Variants in RAD9A observed in about 807,000 individuals in gnomAD.
RAD9A encodes RAD9 checkpoint clamp component A.
In RAD9A, 25 loss-of-function variants were observed where a neutral mutation model predicts 41.2. The ratio of observed to expected loss-of-function variants is 0.61; its 90% CI spans 0.44 to 0.85. The LOEUF is 0.85. RAD9A is among the 40% of genes least tolerant of loss of function. RAD9A has a pLI of 0.00. For missense variants in RAD9A, 514 were observed against 518.3 expected (o/e 0.99, Z 0.08); for synonymous variants, 252 against 210.6 (o/e 1.20, Z -1.70).
At position 67,395,908 on chromosome 11, in the gene RAD9A, A is replaced by G; in HGVS notation, c.560-4A>G. The G allele has an allele frequency of 1.2e-6, 2 of 1,614,088 alleles. No individual in the cohort carries two copies. Among genetic ancestry groups the G allele is most frequent in the Non-Finnish European group, 1.7e-6 (2 of 1,180,002 alleles). On this transcript the variant is annotated splice_region_variant and splice_polypyrimidine_tract_variant and intron_variant, in intron 6 of 10. Coordinates refer to ENST00000307980, the MANE Select transcript of RAD9A (RefSeq NM_004584.3). Reference sequence around the variant, plus strand: ...CCCAGGTTACTCCTGTTCTTCCCCAACAGACAGCACTGCCAAAGCCATGGT... The same window carrying G: ...CCCAGGTTACTCCTGTTCTTCCCCAGCAGACAGCACTGCCAAAGCCATGGT...
At chr11:67,392,948 C>A in intron 3 of RAD9A, 166 bp downstream of exon 3, 1 of 1,039,828 alleles carries the variant, frequency 9.6e-7, no homozygotes, top group Non-Finnish European at 1.4e-6. Flanking sequence ...ACAGCGGGGA[C>A]CTGAGAGGGT....
At chr11:67,395,338 A>T in intron 5 of RAD9A, 1 of 213,874 alleles carries the variant, frequency 4.7e-6, no homozygotes. Flanking sequence ...TTTCAAATAT[A>T]TGTAAAAGCA....
intron 9 of RAD9A, 102 bp from the exon 10 acceptor site, chr11:67,397,077 C>G: frequency 1.3e-6 from 1 of 782,430 alleles, no homozygotes; most frequent in South Asian, 1.6e-5. Flanking sequence ...ACCAAGAGAT[C>G]TCCAGTGGTC....
chr11:67,392,409 C>T, intron 2 of RAD9A, among the ~76,000 whole-genome samples, 178 bp downstream of exon 2: 1 of 152,242 alleles, frequency 6.6e-6, no homozygotes, highest in Non-Finnish European at 1.5e-5. Context: ...GAAAGCTGTC[C>T]TGCGAGCTCC....
In RAD9A at chr11:67,396,294, C is replaced by G; in HGVS notation, c.766C>G (p.Leu256Val). 6.2e-7 allele frequency: 1 copy of G among 1,614,130 alleles called. No homozygotes were observed. Among genetic ancestry groups the G allele is most frequent in the Non-Finnish European group, 8.5e-7 (1 of 1,180,010 alleles). ...CATCTTCACCATCAAGGACTCTTTG[C>G]TGGACGGCCACTTTGTCTTGGCCAC... is the stretch of plus-strand genomic sequence containing the variant. The part of the protein sequence containing the change: ...PAIFTIKDSL[L>V]DGHFVLATLS... Residue 256 changes from leucine to valine, a missense_variant, in exon 9 of 11, where the codon CTG becomes GTG. This residue lies in a region of RAD9A where 216 missense variants were observed against 184.2 expected (regional missense o/e 1.17). Coordinates refer to ENST00000307980, the MANE Select transcript of RAD9A (RefSeq NM_004584.3).
intron 3 of RAD9A, 197 bp from the exon 4 acceptor site, chr11:67,393,299 G>A: frequency 7.8e-7 from 1 of 1,288,590 alleles, no homozygotes; most frequent in East Asian, 3.2e-5. Flanking sequence ...AAAAAAAAAG[G>A]TAAGCAGGTC....
chr11:67,397,219 T>C lies in RAD9A; in HGVS notation c.913T>C (p.Ser305Pro). 6.2e-7 allele frequency: 1 copy of C among 1,613,792 alleles called. No individual in the cohort carries two copies. Among genetic ancestry groups the C allele is most frequent in the Non-Finnish European group, 8.5e-7 (1 of 1,179,870 alleles). The change falls in exon 10 of 11, where the codon TCT (serine) becomes CCT (proline). Residue 305 changes from serine to proline, a missense_variant. Ser to Pro is a moderately conservative substitution (Grantham distance 74). Around this residue, in one of 3 missense-constraint regions of RAD9A, gnomAD observed 216 missense variants for 184.2 expected, o/e 1.17. Transcript: ENST00000307980. ...PDDFANDDID[S>P]YMIAMETTIG... ...CGACTTTGCCAATGACGACATTGAC[T>C]CTTACATGATCGCCATGGAAACCAC...
rs750706834 is a variant in RAD9A at position 67,393,618 on chromosome 11, G to A, written c.349+8G>A. On this transcript the variant is annotated splice_region_variant and intron_variant, in intron 4 of 10. Transcript: ENST00000307980. ...AGCTGCATTGCAAGTTCGGTGAGTGGGCAGCCGGCCAGCCAAGGGGTGCCT... is the reference window on the plus strand; with the variant it reads ...AGCTGCATTGCAAGTTCGGTGAGTGAGCAGCCGGCCAGCCAAGGGGTGCCT... The A allele has an allele frequency of 1.5e-5, 24 of 1,614,068 alleles. No individual in the cohort carries two copies. Among genetic ancestry groups the A allele is most frequent in the Non-Finnish European group, 2.0e-5 (24 of 1,179,944 alleles).
chr11:67,393,063 C>T (rs377766907), intron 3 of RAD9A: 3 of 417,884 alleles, frequency 7.2e-6, no homozygotes, highest in African/African-American at 2.0e-5. Context: ...AGGCGGATCA[C>T]GAGGTCAGGA....
rs138550992 is a variant in RAD9A, at chr11:67,395,968, C to G, written c.616C>G (p.Gln206Glu). Reference protein sequence around the residue: ...EMCLGEEDFQQLQAQEGVAIT... With the variant: ...EMCLGEEDFQELQAQEGVAIT... Reference sequence around the variant, plus strand: ...GTGCCTTGGAGAGGAGGATTTCCAGCAGCTGCAGGCCCAGGAAGGGGTGGC... The same window carrying G: ...GTGCCTTGGAGAGGAGGATTTCCAGGAGCTGCAGGCCCAGGAAGGGGTGGC... Residue 206 changes from glutamine to glutamate, a missense_variant, in exon 7 of 11, where the codon CAG (glutamine) becomes GAG (glutamate). Physicochemically the swap from Gln to Glu is conservative, Grantham distance 29. Transcript: ENST00000307980. 3.7e-6 allele frequency: 6 copies of G among 1,614,172 alleles called. No individual in the cohort carries two copies. In the African/African-American group the frequency reaches 8.0e-5, roughly 22 times the overall value.
At position 67,392,239 on chromosome 11, in the gene RAD9A, G is replaced by A; in HGVS notation, c.105+8G>A. ...GAACCCTTGGAGGACGGGGTGAGGG[G>A]CTAGGGTGTGGGGGGCGGGTGGGAC... is the stretch of plus-strand genomic sequence containing the variant. On this transcript the variant is annotated splice_region_variant and intron_variant, in intron 2 of 10. Transcript: ENST00000307980. 1.5e-6 allele frequency: 2 copies of A among 1,361,978 alleles called. No homozygotes were observed. The highest frequency in any genetic ancestry group is 2.1e-6 in the Non-Finnish European group (2 of 969,468). The allele number at this position is 1,361,978 out of a possible 1,614,324, so 84.4% of individuals were successfully genotyped here. A position where few individuals can be genotyped will look rare whatever the true frequency, so the allele number is the denominator to read the frequency against.
rs775259591 is a variant in RAD9A at position 67,393,750 on chromosome 11, G to A, written c.409G>A (p.Asp137Asn). ...CTGTGAGTCCCTGCAGGCCGTCTTC[G>A]ACCCAGCCTCGTGCCCCCACATGCT... ...QDCESLQAVF[D>N]PASCPHMLRA... The change falls in exon 5 of 11, where the codon GAC becomes AAC. Residue 137 changes from aspartate to asparagine, a missense_variant. Coordinates refer to ENST00000307980, the MANE Select transcript of RAD9A (RefSeq NM_004584.3). The A allele has an allele frequency of 5.6e-6, 9 of 1,612,276 alleles. No individual in the cohort carries two copies. Among genetic ancestry groups the A allele is most frequent in the East Asian group, 2.2e-5 (1 of 44,836 alleles).
At position 67,393,678 on chromosome 11, in the gene RAD9A, A is replaced by G; in HGVS notation, c.350-13A>G. 1.2e-6 allele frequency: 2 copies of G among 1,612,818 alleles called. No homozygotes were observed. The highest frequency in any genetic ancestry group is 1.7e-6 in the Non-Finnish European group (2 of 1,178,980). ...GGTCGGCGAGGCCCACTGAGACCCTATCGCCCATCCAGGGGTGCGGAAGAC... is the reference window on the plus strand; with the variant it reads ...GGTCGGCGAGGCCCACTGAGACCCTGTCGCCCATCCAGGGGTGCGGAAGAC... On this transcript the variant is annotated splice_polypyrimidine_tract_variant and intron_variant, in intron 4 of 10. Transcript: ENST00000307980.
In RAD9A at chr11:67,396,385, A is replaced by G. The variant is rs759536548; in HGVS notation, c.857A>G (p.Gln286Arg). The change falls in exon 9 of 11, where the codon CAG (glutamine) becomes CGG (arginine). Residue 286 changes from glutamine (Q) to arginine (R), a missense_variant. Physicochemically the swap from Gln to Arg is conservative, Grantham distance 43. Around this residue, in one of 3 missense-constraint regions of RAD9A, gnomAD observed 216 missense variants for 184.2 expected, o/e 1.17. Transcript: ENST00000307980. ...CCAGAGCGTCACCAGCCAGTGCCTC[A>G]GCTCCAGGCTCACAGGTGAGGGCAC... ...GSPERHQPVP[Q>R]LQAHSTPHPD... The G allele has an allele frequency of 7.4e-6, 12 of 1,613,750 alleles. No homozygotes were observed. The East Asian group carries it at 2.5e-4, about 33-fold the overall frequency.
Position 67,397,713 on chromosome 11 carries a change from T to A in RAD9A, c.*154T>A. The A allele has an allele frequency of 1.4e-6, 1 of 709,536 alleles. No individual in the cohort carries two copies. The highest frequency in any genetic ancestry group is 2.3e-6 in the Non-Finnish European group (1 of 434,940). The allele number at this position is 709,536 out of a possible 1,614,324, so 44.0% of individuals were successfully genotyped here. A position where few individuals can be genotyped will look rare whatever the true frequency, so the allele number is the denominator to read the frequency against. On this transcript the variant is annotated 3_prime_UTR_variant, in exon 11 of 11. Transcript: ENST00000307980. Reference sequence around the variant, plus strand: ...CTCGCAGGCCCCAGCTGGCTGTCACTGTAAAGCTGTCCCACAGCGGTCGGG... The same window carrying A: ...CTCGCAGGCCCCAGCTGGCTGTCACAGTAAAGCTGTCCCACAGCGGTCGGG...
chr11:67,396,686 C>T (rs1029115210), intron 9 of RAD9A, among the ~76,000 whole-genome samples: 1 of 152,096 alleles, frequency 6.6e-6, no homozygotes, highest in Non-Finnish European at 1.5e-5. Context: ...CCTCCCAGGC[C>T]AAGGAGGGAA....
chr11:67,394,445 A>T (rs1020863154), intron 5 of RAD9A, among the ~76,000 whole-genome samples: 3 of 152,144 alleles, frequency 2.0e-5, no homozygotes, highest in Non-Finnish European at 4.4e-5. Context: ...CCCCTGCTCC[A>T]TGCTGGTCAC....
At position 67,398,323 on chromosome 11, in the gene RAD9A, T is replaced by G. The variant is rs1324713795; in HGVS notation, c.*764T>G. On this transcript the variant is annotated 3_prime_UTR_variant, in exon 11 of 11. Transcript: ENST00000307980. ...AGCTGCAGCCTCGGCCCCAGGATCC[T>G]GCTCACAGTCACCGCAGGTGCAGGC... 2 of 592,454 alleles carry G rather than the reference T, an allele frequency of 3.4e-6. No individual in the cohort carries two copies. Among genetic ancestry groups the G allele is most frequent in the East Asian group, 3.0e-5 (1 of 33,854 alleles). 36.7% of individuals were successfully genotyped at this position (592,454 alleles called of 1,614,324 possible).
At chr11:67,396,477 G>C in intron 9 of RAD9A, 77 bp downstream of exon 9, 1 of 1,520,984 alleles carries the variant, frequency 6.6e-7, no homozygotes, top group Non-Finnish European at 9.0e-7. Flanking sequence ...CCTAGCTTCT[G>C]CACCTCCCCG....
Sources: gnomAD v4.1 joint callset for allele counts (sites outside exome capture counted in the v4.1 genomes callset) on GRCh38, gnomAD v4.1.1 for gene constraint, gnomAD v4.1.1 regional missense constraint, MANE v1.5 for transcripts, NCBI Gene and HGNC (gene_info 2026-07-23, HGNC 2026-07-21) for gene names.